PPIL4: variants seen among roughly 807,000 people sequenced by gnomAD.
PPIL4 encodes the protein peptidyl-prolyl cis-trans isomerase-like 4.
In PPIL4, 50 loss-of-function variants were observed where a neutral mutation model predicts 69.1. That is an observed-to-expected ratio of 0.72 (90% CI 0.58 to 0.92). PPIL4 has a LOEUF of 0.92. PPIL4 is among the 40% of genes least tolerant of loss of function. The pLI, the probability that PPIL4 is intolerant of heterozygous loss-of-function variation, is 0.00. For missense variants in PPIL4, 480 were observed against 587.9 expected (o/e 0.82, Z 1.90); for synonymous variants, 193 against 191.6 (o/e 1.01, Z -0.06).
At chr6:149,545,901 GC>G (rs1554218045) in intron 1 of PPIL4, 34 bp downstream of exon 1, 4 of 1,552,516 alleles carry the variant, frequency 2.6e-6, no homozygotes, top group Non-Finnish European at 3.5e-6. Context: ...AAGCTCGGGG[GC>G]CCCGGCGACA....
intron 12 of PPIL4, among the ~76,000 whole-genome samples, chr6:149,509,568 T>G (rs949284423): frequency 6.6e-6 from 1 of 152,166 alleles, no homozygotes; most frequent in Non-Finnish European, 1.5e-5. Flanking sequence ...TGATGCGACC[T>G]CAGACTAAAG....
At chr6:149,514,140 T>C (rs913857410) in intron 11 of PPIL4, among the ~76,000 whole-genome samples, 2 of 152,236 alleles carry the variant, frequency 1.3e-5, no homozygotes, top group African/African-American at 4.8e-5. Context: ...TCCCATGAGA[T>C]GGCTAAAGAG....
intron 11 of PPIL4, among the ~76,000 whole-genome samples, chr6:149,514,289 C>T (rs1776910426): frequency 6.6e-6 from 1 of 152,172 alleles, no homozygotes; most frequent in African/African-American, 2.4e-5. Flanking sequence ...CCTATGATTT[C>T]ATCCTAATGT....
intron 12 of PPIL4, among the ~76,000 whole-genome samples, chr6:149,506,129 A>G (rs952852790): frequency 6.6e-6 from 1 of 152,198 alleles, no homozygotes; most frequent in African/African-American, 2.4e-5. Flanking sequence ...CTATAAGAAG[A>G]TATCATTGAA....
intron 12 of PPIL4, among the ~76,000 whole-genome samples, chr6:149,511,064 T>C (rs1776834097): frequency 6.6e-6 from 1 of 152,140 alleles, no homozygotes; most frequent in Non-Finnish European, 1.5e-5. Context: ...AATCCTTGAC[T>C]CTGCCTATCA....
chr6:149,535,243 C>T (rs968566404), intron 5 of PPIL4, among the ~76,000 whole-genome samples: 1 of 152,162 alleles, frequency 6.6e-6, no homozygotes, highest in African/African-American at 2.4e-5. Context: ...GTAGTCCTAG[C>T]TACTTGGGAG....
At chr6:149,511,677 A>G (rs916724187) in intron 12 of PPIL4, among the ~76,000 whole-genome samples, 1 of 152,124 alleles carries the variant, frequency 6.6e-6, no homozygotes, top group Non-Finnish European at 1.5e-5. Context: ...ATTTTTTTTA[A>G]ATGTGCTGTT....
intron 10 of PPIL4, chr6:149,517,910 T>G (rs1279830738): frequency 6.5e-6 from 1 of 153,320 alleles, no homozygotes; most frequent in Non-Finnish European, 1.4e-5. Flanking sequence ...GAGGATCGCG[T>G]GAACCTGGGA....
At chr6:149,537,684 C>T (rs570909958) in intron 4 of PPIL4, among the ~76,000 whole-genome samples, 18 of 150,056 alleles carry the variant, frequency 1.2e-4, no homozygotes, top group South Asian at 4.2e-4. Flanking sequence ...CCAGCCTGGG[C>T]GACAGAGCAA....
At chr6:149,543,111 G>A (rs17087775) in intron 1 of PPIL4, among the ~76,000 whole-genome samples, 2,620 of 152,180 alleles carry the variant, frequency 0.017, 85 homozygotes, top group African/African-American at 0.06. Flanking sequence ...ATTTATAAGC[G>A]CAACAAGGCC....
chr6:149,532,434 G>A (rs893912885), intron 7 of PPIL4, among the ~76,000 whole-genome samples: 1 of 152,116 alleles, frequency 6.6e-6, no homozygotes, highest in African/African-American at 2.4e-5. Context: ...TATCTTTCAA[G>A]TGTAGTAATT....
intron 11 of PPIL4, among the ~76,000 whole-genome samples, chr6:149,513,661 C>T (rs192876405): frequency 6.6e-5 from 10 of 151,380 alleles, no homozygotes; most frequent in African/African-American, 2.2e-4. Flanking sequence ...ATATACCATA[C>T]AACGATTATA....
At chr6:149,507,618 A>G (rs1243008982) in intron 12 of PPIL4, among the ~76,000 whole-genome samples, 1 of 152,220 alleles carries the variant, frequency 6.6e-6, no homozygotes, top group African/African-American at 2.4e-5. Context: ...TCAGTATGTT[A>G]TTATACAAAT....
chr6:149,517,395 TG>T lies in PPIL4; in HGVS notation c.1037del (p.Pro346HisfsTer6). The T allele has an allele frequency of 6.2e-7, 1 of 1,607,196 alleles. No individual in the cohort carries two copies. ...CTTTATCTTTCAGAACCAAATTAGG[TG>T]GTTTATCCTGTTCTTTTTCATACTC... Reference protein sequence around the residue: ...FKEYEKEQDKPPNLVLKDKVK... With the variant: ...FKEYEKEQDKXPNLVLKDKVK... On this transcript the variant is annotated frameshift_variant, in exon 11 of 13. Transcript: ENST00000253329. LOFTEE classifies it high-confidence loss of function.
chr6:149,534,558 G>T (rs1467162746), intron 6 of PPIL4, 120 bp downstream of exon 6: 2 of 556,326 alleles, frequency 3.6e-6, no homozygotes, highest in Admixed American at 3.8e-5. Flanking sequence ...CTCCAAACTT[G>T]TTGAATATAA....
chr6:149,508,810 G>A lies in PPIL4; in HGVS notation c.1228-3106C>T, dbSNP rs1052150483. On this transcript the variant is annotated intron_variant, in intron 12 of 12. Transcript: ENST00000253329. ...GGTGGAAAATTAAACAAACGTTTTC[G>A]AATTGATTAGTAAGGCTAGTTACTC... Among the ~76,000 whole-genome samples, 67 of 152,058 alleles carry A rather than the reference G, an allele frequency of 4.4e-4. 2 individuals are homozygous for A. Among genetic ancestry groups the A allele is most frequent in the African/African-American group, 2.2e-4 (9 of 41,400 alleles).
At chr6:149,542,286 T>C (rs1583213940) in intron 1 of PPIL4, among the ~76,000 whole-genome samples, 1 of 152,204 alleles carries the variant, frequency 6.6e-6, no homozygotes, top group African/African-American at 2.4e-5. Context: ...CCCGGGGTCA[T>C]TTTTTAAATA....
intron 1 of PPIL4, among the ~76,000 whole-genome samples, chr6:149,543,909 TAAAAA>T (rs1777400829): frequency 6.6e-6 from 1 of 152,168 alleles, no homozygotes; most frequent in Non-Finnish European, 1.5e-5. Flanking sequence ...AATAAAAAGT[TAAAAA>T]AGAAAAGGAA....
intron 11 of PPIL4, among the ~76,000 whole-genome samples, chr6:149,515,346 A>T (rs1776927686): frequency 6.7e-6 from 1 of 149,786 alleles, no homozygotes; most frequent in African/African-American, 2.5e-5. Flanking sequence ...CACTGCACCC[A>T]GCCTATTTCT....
Sources: gnomAD v4.1 joint callset for allele counts (sites outside exome capture counted in the v4.1 genomes callset) on GRCh38, gnomAD v4.1.1 for gene constraint, MANE v1.5 for transcripts, NCBI Gene and HGNC (gene_info 2026-07-23, HGNC 2026-07-21) for gene names.